The following PBRM1 variants were observed in gnomAD, a reference collection of about 807,000 sequenced individuals.
PBRM1 encodes the protein polybromo 1.
A neutral mutation model predicts 194.5 loss-of-function variants in PBRM1; 27 were observed. The ratio of observed to expected loss-of-function variants is 0.14; its 90% CI spans 0.10 to 0.19. PBRM1 has a LOEUF of 0.19. Among genes scored for constraint, PBRM1 ranks in the 10% least tolerant of loss-of-function variants. The pLI is 1.00. For synonymous variants in PBRM1, 655 were observed against 693.2 expected (o/e 0.94, Z 0.87); for missense variants, 1,466 against 2,077.2 (o/e 0.71, Z 5.72).
At chr3:52,596,474 A>AAAAAAAG (rs2093567813) in intron 17 of PBRM1, among the ~76,000 whole-genome samples, 1 of 138,702 alleles carries the variant, frequency 7.2e-6, no homozygotes, top group Non-Finnish European at 1.5e-5. Flanking sequence ...AAAAAAAAAA[A>AAAAAAAG]AAAAAAGAAA....
At position 52,679,453 on chromosome 3, in the gene PBRM1, A is replaced by G. The variant is rs1007657012; in HGVS notation, c.138+121T>C. ...CATAATGTTCATAAAAGAAAAGACT[A>G]TTAATCAAGAGAATCTTAAAAAAGT... On this transcript the variant is annotated intron_variant, in intron 1 of 29. Coordinates refer to ENST00000296302, the Ensembl canonical transcript of PBRM1. The G allele has an allele frequency of 1.2e-5, 10 of 824,558 alleles. No individual in the cohort carries two copies. The Admixed American group carries it at 2.5e-4, about 21-fold the overall frequency. The allele number at this position is 824,558 out of a possible 1,614,324, so 51.1% of individuals were successfully genotyped here. A position where few individuals can be genotyped will look rare whatever the true frequency, so the allele number is the denominator to read the frequency against.
At chr3:52,587,563 G>C in intron 18 of PBRM1, 53 bp from the exon 21 acceptor site, 36 of 972,380 alleles carry the variant, frequency 3.7e-5, no homozygotes, top group Non-Finnish European at 4.8e-5. Flanking sequence ...ATTGTTAACA[G>C]AAATCACTTT....
chr3:52,685,618 C>G (rs981026046), intron 1 of PBRM1, 131 bp downstream of exon 1: 53 of 149,196 alleles, frequency 3.6e-4, no homozygotes, highest in African/African-American at 1.2e-3. Flanking sequence ...ACCCCGCGCG[C>G]CCGGCCCGAC....
intron 13 of PBRM1, among the ~76,000 whole-genome samples, chr3:52,626,617 G>C (rs777752245): frequency 2.0e-5 from 3 of 152,094 alleles, no homozygotes; most frequent in Non-Finnish European, 4.4e-5. Context: ...TGTGGCGAGA[G>C]ATAATATTGC....
chr3:52,660,639 A>C (rs2096704910), intron 4 of PBRM1, among the ~76,000 whole-genome samples: 1 of 151,922 alleles, frequency 6.6e-6, no homozygotes. Context: ...CAGCCTCCCG[A>C]GTAGCAGGGA....
intron 20 of PBRM1, among the ~76,000 whole-genome samples, chr3:52,581,500 C>CAA (rs1286694923): frequency 6.8e-5 from 5 of 73,888 alleles, no homozygotes; most frequent in Admixed American, 1.5e-4. Flanking sequence ...GACTCTGTCT[C>CAA]AAAAAAAAAA....
chr3:52,620,402 T>A (rs1052546448), intron 13 of PBRM1, among the ~76,000 whole-genome samples: 1 of 152,202 alleles, frequency 6.6e-6, no homozygotes, highest in Non-Finnish European at 1.5e-5. Context: ...AAATTAGTCC[T>A]CATTCTAGCA....
chr3:52,605,527 T>G (rs1286432039), intron 16 of PBRM1, among the ~76,000 whole-genome samples: 1 of 151,444 alleles, frequency 6.6e-6, no homozygotes, highest in Non-Finnish European at 1.5e-5. Flanking sequence ...AGAATGCTGC[T>G]CCCATCAGCA....
Position 52,676,094 on chromosome 3 carries a change from G to T in PBRM1, c.236+2406C>A, listed in dbSNP as rs1349785834. On this transcript the variant is annotated intron_variant, in intron 2 of 29. Transcript: ENST00000296302. The stretch of plus-strand genomic sequence containing the variant: ...CCCGCCACTGCACTCCAGCCTGGGC[G>T]ACAGAGCGAGACTCCGTCTCAAAAA... 1.2e-3 allele frequency among the ~76,000 whole-genome samples: 44 copies of T among 35,504 alleles called. 6 individuals are homozygous for T. The highest frequency in any genetic ancestry group is 3.2e-3 in the Admixed American group (8 of 2,480). The allele number at this position is 35,504 out of a possible 152,430, so 23.3% of individuals were successfully genotyped here.
intron 2 of PBRM1, among the ~76,000 whole-genome samples, chr3:52,671,606 T>C (rs1401153299): frequency 6.6e-6 from 1 of 152,252 alleles, no homozygotes; most frequent in Non-Finnish European, 1.5e-5. Flanking sequence ...ACTCAGAATT[T>C]TAAATAAGAT....
intron 10 of PBRM1, among the ~76,000 whole-genome samples, chr3:52,639,409 G>C (rs1395243228): frequency 3.3e-5 from 5 of 151,398 alleles, no homozygotes; most frequent in Admixed American, 1.3e-4. Flanking sequence ...TGATTTTATT[G>C]ATCTTTCCTG....
chr3:52,579,156 C>G (rs2153686703), exon 21 of PBRM1: 1 of 1,614,012 alleles, frequency 6.2e-7, no homozygotes, highest in Non-Finnish European at 8.5e-7. Flanking sequence ...GTAGTGGCAA[C>G]CTGGTTCACC....
At chr3:52,663,103 A>G (rs899562630) in intron 3 of PBRM1, among the ~76,000 whole-genome samples, 1 of 152,226 alleles carries the variant, frequency 6.6e-6, no homozygotes, top group Non-Finnish European at 1.5e-5. Flanking sequence ...AAATGCATAC[A>G]TGGGATGCCA....
chr3:52,564,547 A>G (rs1035620693), intron 22 of PBRM1, among the ~76,000 whole-genome samples: 1 of 151,866 alleles, frequency 6.6e-6, no homozygotes, highest in Non-Finnish European at 1.5e-5. Context: ...CGGGAGGCTG[A>G]GGTGGGAATC....
intron 17 of PBRM1, among the ~76,000 whole-genome samples, chr3:52,599,608 G>A (rs1462324340): frequency 4.0e-5 from 6 of 149,484 alleles, no homozygotes; most frequent in Non-Finnish European, 7.4e-5. Flanking sequence ...TCAGGAGATC[G>A]AGACCATCCT....
intron 4 of PBRM1, among the ~76,000 whole-genome samples, chr3:52,661,145 C>A (rs925996381): frequency 3.3e-5 from 5 of 152,174 alleles, no homozygotes; most frequent in Non-Finnish European, 7.3e-5. Context: ...CCTGCCTCAG[C>A]CTCCAGAGTA....
chr3:52,555,155 T>C (rs2081960413), intron 26 of PBRM1, among the ~76,000 whole-genome samples: 1 of 152,208 alleles, frequency 6.6e-6, no homozygotes, highest in African/African-American at 2.4e-5. Context: ...AGTTAAATAA[T>C]AGTAAAGAGT....
chr3:52,556,318 G>A (rs2082221948), intron 26 of PBRM1, among the ~76,000 whole-genome samples: 1 of 150,430 alleles, frequency 6.6e-6, no homozygotes, highest in Non-Finnish European at 1.5e-5. Context: ...ATAAGATTAT[G>A]AGTTTTCATT....
chr3:52,547,592 T>G (rs551356489), downstream of PBRM1: 1 of 233,612 alleles, frequency 4.3e-6, no homozygotes, highest in South Asian at 1.8e-4. Flanking sequence ...CTCTCTAAGA[T>G]GTAAACTAGG....
Sources: allele counts gnomAD v4.1 joint callset (sites outside exome capture counted in the v4.1 genomes callset), GRCh38; gene constraint gnomAD v4.1.1; transcripts MANE v1.5; gene names NCBI Gene and HGNC (gene_info 2026-07-23, HGNC 2026-07-21).